The following KHDRBS2 variants were observed in gnomAD, a reference collection of about 807,000 sequenced individuals.
KHDRBS2 encodes KH domain-containing, RNA-binding, signal transduction-associated protein 2.
Under a neutral mutation model 44.3 loss-of-function variants are expected in KHDRBS2, and 26 were observed. The observed-to-expected ratio is 0.59, with a 90% CI of 0.43 to 0.81. KHDRBS2 has a LOEUF of 0.81. Ranked by LOEUF, KHDRBS2 falls within the 40% of genes least tolerant of loss-of-function variation. KHDRBS2 has a pLI of 0.00. For synonymous variants in KHDRBS2, 194 were observed against 151.1 expected, an observed-to-expected ratio of 1.28 and a Z score of -2.08; for missense variants, 476 against 433.1, an observed-to-expected ratio of 1.10 and a Z score of -0.88.
At chr6:62,003,154 C>G (rs1228871084) in intron 3 of KHDRBS2, among the ~76,000 whole-genome samples, 1 of 151,896 alleles carries the variant, frequency 6.6e-6, no homozygotes, top group African/African-American at 2.4e-5. Flanking sequence ...ACACTGTCTC[C>G]AAGTCATGGG....
chr6:61,633,922 C>G, the KHDRBS2 span, among the ~76,000 whole-genome samples: 1 of 151,806 alleles, frequency 6.6e-6, no homozygotes, highest in Non-Finnish European at 1.5e-5. Context: ...TTATAAAGTA[C>G]CAAAATAGCA....
chr6:62,103,357 C>T (rs1220303359), intron 2 of KHDRBS2, among the ~76,000 whole-genome samples: 1 of 152,222 alleles, frequency 6.6e-6, no homozygotes, highest in African/African-American at 2.4e-5. Context: ...TGCTAATCAG[C>T]ACCCAAAGTC....
chr6:62,127,612 T>C (rs907577651), intron 2 of KHDRBS2, among the ~76,000 whole-genome samples: 2 of 152,142 alleles, frequency 1.3e-5, no homozygotes, highest in African/African-American at 4.8e-5. Context: ...ACAACTCTTA[T>C]CTAATACTTT....
intron 4 of KHDRBS2, among the ~76,000 whole-genome samples, chr6:61,961,959 T>C (rs1479914378): frequency 1.5e-5 from 2 of 134,082 alleles, no homozygotes; most frequent in African/African-American, 2.8e-5. Flanking sequence ...ATAAATACAA[T>C]AGCATATTTT....
At chr6:61,816,989 G>A (rs749362831) in intron 6 of KHDRBS2, 1 of 455,692 alleles carries the variant, frequency 2.2e-6, no homozygotes, top group African/African-American at 2.0e-5. Flanking sequence ...AAAAAACAAG[G>A]AAAGTGGTAA....
At chr6:61,734,810 G>A (rs1458791559) in intron 6 of KHDRBS2, among the ~76,000 whole-genome samples, 1 of 152,036 alleles carries the variant, frequency 6.6e-6, no homozygotes, top group Non-Finnish European at 1.5e-5. Context: ...TATTAAACTA[G>A]CAGTAATATT....
intron 6 of KHDRBS2, among the ~76,000 whole-genome samples, chr6:61,825,714 C>G (rs933677027): frequency 6.6e-6 from 1 of 152,082 alleles, no homozygotes; most frequent in South Asian, 2.1e-4. Flanking sequence ...ACAGACACTG[C>G]AGCCCAAGAA....
At chr6:61,852,111 A>G (rs904335403) in intron 6 of KHDRBS2, among the ~76,000 whole-genome samples, 4 of 151,884 alleles carry the variant, frequency 2.6e-5, no homozygotes, top group Non-Finnish European at 5.9e-5. Context: ...AATCCCAGCT[A>G]CTCGGGAGGC....
Position 62,034,686 on chromosome 6 carries a change from C to T in KHDRBS2, c.336+13192G>A, listed in dbSNP as rs57438696. On this transcript the variant is annotated intron_variant, in intron 3 of 8. Coordinates refer to ENST00000281156, the MANE Select transcript of KHDRBS2 (RefSeq NM_152688.4). Reference sequence around the variant, plus strand: ...TGACAGACCCATGGCTAGTATCATTCTGAACAGAAAAAAAAAAAAAAAAAA... The same window carrying T: ...TGACAGACCCATGGCTAGTATCATTTTGAACAGAAAAAAAAAAAAAAAAAA... 3.7e-5 allele frequency among the ~76,000 whole-genome samples: 4 copies of T among 107,394 alleles called. No individual in the cohort carries two copies. In the East Asian group the frequency reaches 1.2e-3, roughly 31 times the overall value. 70.5% of individuals were successfully genotyped at this position (107,394 alleles called of 152,430 possible). A position where few individuals can be genotyped will look rare whatever the true frequency, so the allele number is the denominator to read the frequency against.
At chr6:61,924,451 A>C (rs1473118380) in intron 4 of KHDRBS2, among the ~76,000 whole-genome samples, 1 of 152,116 alleles carries the variant, frequency 6.6e-6, no homozygotes, top group Non-Finnish European at 1.5e-5. Flanking sequence ...TACAATTTCT[A>C]ATCAGGTTAC....
chr6:62,032,307 C>A (rs915991895), intron 3 of KHDRBS2, among the ~76,000 whole-genome samples: 1 of 151,972 alleles, frequency 6.6e-6, no homozygotes. Flanking sequence ...GCCAGCGCAG[C>A]TAGACTATAA....
chr6:61,577,616 A>ACTT, the KHDRBS2 span, among the ~76,000 whole-genome samples: 1 of 152,174 alleles, frequency 6.6e-6, no homozygotes, highest in Non-Finnish European at 1.5e-5. Context: ...CCAAATTATG[A>ACTT]CTTTTCAGCA....
rs1585179974 is a variant in KHDRBS2, at chr6:62,201,245, T to G, written c.92-23933A>C. Among the ~76,000 whole-genome samples, 3 of 151,808 alleles carry G rather than the reference T, an allele frequency of 2.0e-5. 1 individual carries two copies. Among genetic ancestry groups the G allele is most frequent in the Middle Eastern group, 3.4e-3 (1 of 294 alleles). ...AACTTCAAGTATTATTAAAAAAAATTTTAGAGTAGGGACAAGAATTCTAAT... is the reference window on the plus strand; with the variant it reads ...AACTTCAAGTATTATTAAAAAAAATGTTAGAGTAGGGACAAGAATTCTAAT... On this transcript the variant is annotated intron_variant, in intron 1 of 8. Transcript: ENST00000281156.
At chr6:61,752,951 A>G (rs181352971) in intron 6 of KHDRBS2, among the ~76,000 whole-genome samples, 1 of 152,232 alleles carries the variant, frequency 6.6e-6, no homozygotes, top group African/African-American at 2.4e-5. Flanking sequence ...AATAATAATA[A>G]TTTTAAAAGC....
At chr6:61,750,761 A>T (rs1777557989) in intron 6 of KHDRBS2, among the ~76,000 whole-genome samples, 1 of 83,578 alleles carries the variant, frequency 1.2e-5, no homozygotes. Context: ...AGAAAAAAGT[A>T]AAAAAAAAAA....
At chr6:61,933,368 A>G (rs1395121700) in intron 4 of KHDRBS2, among the ~76,000 whole-genome samples, 1 of 126,878 alleles carries the variant, frequency 7.9e-6, no homozygotes, top group Non-Finnish European at 1.8e-5. Flanking sequence ...AAGTCATATG[A>G]GACACATAGC....
At chr6:61,760,166 A>C (rs1281830447) in intron 6 of KHDRBS2, among the ~76,000 whole-genome samples, 1 of 152,262 alleles carries the variant, frequency 6.6e-6, no homozygotes. Flanking sequence ...CATCCGGAAG[A>C]CATTTTAGGG....
At chr6:62,163,279 G>A (rs1818017836) in intron 2 of KHDRBS2, among the ~76,000 whole-genome samples, 1 of 151,988 alleles carries the variant, frequency 6.6e-6, no homozygotes, top group Non-Finnish European at 1.5e-5. Context: ...CTTTATTGCT[G>A]CAGAGGCAAA....
chr6:62,039,247 C>T (rs1285098014), intron 3 of KHDRBS2, among the ~76,000 whole-genome samples: 2 of 101,092 alleles, frequency 2.0e-5, no homozygotes, highest in East Asian at 5.8e-4. Context: ...TATATAGATA[C>T]ACAGGCAAAC....
Sources: gnomAD v4.1 joint callset for allele counts (sites outside exome capture counted in the v4.1 genomes callset) on GRCh38, gnomAD v4.1.1 for gene constraint, MANE v1.5 for transcripts, NCBI Gene and HGNC (gene_info 2026-07-23, HGNC 2026-07-21) for gene names.